Variants in DPP10 observed in about 807,000 individuals in gnomAD.
The protein encoded by DPP10 is dipeptidyl peptidase like 10.
Under a neutral mutation model 120.9 loss-of-function variants are expected in DPP10, and 33 were observed. That is an observed-to-expected ratio of 0.27 (90% CI 0.21 to 0.37). The LOEUF (loss-of-function observed/expected upper bound fraction) is 0.37. Among genes scored for constraint, DPP10 ranks in the 10% least tolerant of loss-of-function variants. The pLI is 1.00. For synonymous variants in DPP10, 337 were observed against 326.1 expected (o/e 1.03, Z -0.36); for missense variants, 816 against 942.8 (o/e 0.87, Z 1.76).
At chr2:114,740,408 A>G (rs1677919348) in intron 1 of DPP10, among the ~76,000 whole-genome samples, 1 of 147,106 alleles carries the variant, frequency 6.8e-6, no homozygotes, top group Non-Finnish European at 1.5e-5. Flanking sequence ...CCTAATGCTA[A>G]ATGACGAGTT....
intron 3 of DPP10, among the ~76,000 whole-genome samples, chr2:115,416,959 C>T (rs1346158980): frequency 2.0e-5 from 3 of 152,134 alleles, no homozygotes; most frequent in African/African-American, 7.2e-5. Flanking sequence ...GCTGTGTTAT[C>T]GCTGCCTGGT....
At chr2:115,128,195 T>C (rs1322694525) in intron 1 of DPP10, among the ~76,000 whole-genome samples, 3 of 152,108 alleles carry the variant, frequency 2.0e-5, no homozygotes, top group Admixed American at 6.5e-5. Context: ...TCCAGACATA[T>C]TGATTTTTTT....
intron 1 of DPP10, among the ~76,000 whole-genome samples, chr2:115,280,442 G>A (rs1288598292): frequency 2.6e-5 from 4 of 152,178 alleles, no homozygotes; most frequent in Non-Finnish European, 5.9e-5. Flanking sequence ...CTGAGACATA[G>A]TCTATAAACA....
rs749155120 is a variant in DPP10, at chr2:115,229,864, CT to C, written c.61-79363del. The stretch of plus-strand genomic sequence containing the variant: ...CTCCATTTTTTCTTTTCTTTTCTTT[CT>C]TTTTTTTTTTTGGCTTAGGATAGCT... On this transcript the variant is annotated intron_variant, in intron 1 of 25. Coordinates refer to ENST00000410059, the MANE Select transcript of DPP10 (RefSeq NM_020868.6). Among the ~76,000 whole-genome samples the C allele has an allele frequency of 3.8e-3, 530 of 138,758 alleles. 1 individual carries two copies. The highest frequency in any genetic ancestry group is 6.7e-3 in the African/African-American group (255 of 38,212). 91.0% of individuals were successfully genotyped at this position (138,758 alleles called of 152,430 possible). A position where few individuals can be genotyped will look rare whatever the true frequency, so the allele number is the denominator to read the frequency against.
chr2:115,059,818 A>C (rs1459873318), intron 1 of DPP10, among the ~76,000 whole-genome samples: 2 of 150,672 alleles, frequency 1.3e-5, no homozygotes, highest in Non-Finnish European at 3.0e-5. Flanking sequence ...TCTACTGGAG[A>C]CGTTTTCCCT....
intron 1 of DPP10, among the ~76,000 whole-genome samples, chr2:114,647,843 T>A: frequency 6.6e-6 from 1 of 151,774 alleles, no homozygotes; most frequent in East Asian, 1.9e-4. Flanking sequence ...TGATTTTATT[T>A]ATTTAATCTT....
chr2:115,299,500 TC>T (rs2061031328), intron 1 of DPP10, among the ~76,000 whole-genome samples: 1 of 152,058 alleles, frequency 6.6e-6, no homozygotes, highest in African/African-American at 2.4e-5. Flanking sequence ...TCACGATATT[TC>T]TCATTGGAAT....
chr2:114,541,499 C>A (rs1190926985), intron 1 of DPP10, among the ~76,000 whole-genome samples: 1 of 152,144 alleles, frequency 6.6e-6, no homozygotes, highest in Non-Finnish European at 1.5e-5. Flanking sequence ...CAGGTAAGCT[C>A]CTTTCAATAT....
intron 11 of DPP10, among the ~76,000 whole-genome samples, chr2:115,753,990 G>T (rs995953668): frequency 6.6e-6 from 1 of 152,080 alleles, no homozygotes; most frequent in Non-Finnish European, 1.5e-5. Context: ...TAGCTTTTCT[G>T]TTATAAACAA....
chr2:114,869,166 T>G (rs1238409040), intron 1 of DPP10, among the ~76,000 whole-genome samples: 3 of 152,150 alleles, frequency 2.0e-5, no homozygotes, highest in Non-Finnish European at 4.4e-5. Flanking sequence ...GGGAATTAGT[T>G]TCAGCCATTA....
intron 1 of DPP10, among the ~76,000 whole-genome samples, chr2:115,054,488 G>A (rs1705744076): frequency 1.3e-5 from 2 of 152,170 alleles, no homozygotes; most frequent in South Asian, 4.1e-4. Context: ...AAAGTGCACT[G>A]TTGGGTTCAT....
At chr2:115,662,457 G>A (rs1007769837) in intron 5 of DPP10, among the ~76,000 whole-genome samples, 5 of 148,126 alleles carry the variant, frequency 3.4e-5, no homozygotes, top group Non-Finnish European at 6.0e-5. Context: ...AGCAACTTCT[G>A]TATTGTTTTC....
chr2:115,769,774 G>T (rs1681234811), intron 13 of DPP10, among the ~76,000 whole-genome samples: 2 of 151,826 alleles, frequency 1.3e-5, no homozygotes, highest in Admixed American at 1.3e-4. Flanking sequence ...AAACTGAAAG[G>T]AAATAGACTA....
chr2:115,019,169 T>C (rs1255083494), intron 1 of DPP10, among the ~76,000 whole-genome samples: 1 of 152,184 alleles, frequency 6.6e-6, no homozygotes, highest in Non-Finnish European at 1.5e-5. Flanking sequence ...ATTTCATTTT[T>C]AATTTGTACT....
At chr2:114,891,121 C>T (rs911258389) in intron 1 of DPP10, among the ~76,000 whole-genome samples, 5 of 151,728 alleles carry the variant, frequency 3.3e-5, no homozygotes, top group Admixed American at 6.6e-5. Flanking sequence ...TAGACAAATT[C>T]CAAAGCATGA....
chr2:115,493,346 C>A (rs1001649523), intron 3 of DPP10, among the ~76,000 whole-genome samples: 1 of 151,806 alleles, frequency 6.6e-6, no homozygotes, highest in Admixed American at 6.6e-5. Flanking sequence ...AGAGCCAAAA[C>A]TATAAAAAGT....
rs2057071252 is a variant in DPP10, at chr2:115,220,324, G to A, written c.61-88915G>A. On this transcript the variant is annotated intron_variant, in intron 1 of 25. Coordinates refer to ENST00000410059, the MANE Select transcript of DPP10 (RefSeq NM_020868.6). ...TCTTTATGAGTCAGTGTGAAACAGT[G>A]ATACAAAAAATAGTATATTTCCAAT... 3.3e-5 allele frequency among the ~76,000 whole-genome samples: 5 copies of A among 152,248 alleles called. No homozygotes were observed. The South Asian group carries it at 1.0e-3, about 32-fold the overall frequency.
At chr2:115,445,063 T>C (rs894717057) in intron 3 of DPP10, among the ~76,000 whole-genome samples, 12 of 152,164 alleles carry the variant, frequency 7.9e-5, no homozygotes, top group African/African-American at 2.7e-4. Flanking sequence ...GATGGTTTTA[T>C]AAGTGTGGTT....
chr2:115,210,166 C>T (rs1183616240), intron 1 of DPP10, among the ~76,000 whole-genome samples: 1 of 152,112 alleles, frequency 6.6e-6, no homozygotes, highest in East Asian at 1.9e-4. Context: ...GCTATCCCTC[C>T]CTCCTCTCCC....
Sources: allele counts gnomAD v4.1 joint callset (sites outside exome capture counted in the v4.1 genomes callset), GRCh38; gene constraint gnomAD v4.1.1; transcripts MANE v1.5; gene names NCBI Gene and HGNC (gene_info 2026-07-23, HGNC 2026-07-21).